The following WDR7 variants were observed in gnomAD, a reference collection of about 807,000 sequenced individuals.
WDR7 encodes the protein WD repeat domain 7.
WDR7 carries 46 observed loss-of-function variants against 169.4 expected under a neutral mutation model. The observed-to-expected ratio is 0.27, with a 90% CI of 0.21 to 0.35. WDR7 has a LOEUF of 0.35. WDR7 is among the 10% of genes least tolerant of loss of function. The probability of loss-of-function intolerance (pLI) is 1.00; values close to 1 mark genes in which losing one functional copy is unlikely to be tolerated. For synonymous variants in WDR7, 612 were observed against 666.8 expected (o/e 0.92, Z 1.27); for missense variants, 1,534 against 1,859.3 (o/e 0.83, Z 3.22).
intron 16 of WDR7, among the ~76,000 whole-genome samples, chr18:56,770,709 A>G (rs1272106567): frequency 1.3e-5 from 2 of 152,098 alleles, no homozygotes; most frequent in Non-Finnish European, 2.9e-5. Context: ...TGCTCTGGTA[A>G]GTCCTTACCT....
At position 56,676,194 on chromosome 18, in the gene WDR7, C is replaced by CT. The variant is rs530685512; in HGVS notation, c.160-3131dup. ...TTTTGTCTAAGTGTACCTATTTCTG[C>CT]TTTTTTTGGTTTCCATTGGCATGGA... On this transcript the variant is annotated intron_variant, in intron 2 of 27. Transcript: ENST00000254442. Among the ~76,000 whole-genome samples the CT allele has an allele frequency of 1.8e-4, 28 of 152,076 alleles. No individual in the cohort carries two copies. In the East Asian group the frequency reaches 5.4e-3, roughly 29 times the overall value.
At chr18:56,861,287 G>A (rs1048469047) in intron 20 of WDR7, among the ~76,000 whole-genome samples, 8 of 152,144 alleles carry the variant, frequency 5.3e-5, no homozygotes, top group South Asian at 4.1e-4. Context: ...AACTTGATTC[G>A]TGGTGATTCA....
At chr18:56,878,262 T>G (rs575196576) in intron 20 of WDR7, among the ~76,000 whole-genome samples, 3 of 152,340 alleles carry the variant, frequency 2.0e-5, no homozygotes, top group Non-Finnish European at 4.4e-5. Flanking sequence ...TTTGCTCCAG[T>G]AACAAGTATT....
chr18:56,721,571 G>A (rs1192350750), intron 13 of WDR7: 3 of 152,196 alleles, frequency 2.0e-5, no homozygotes, highest in East Asian at 1.9e-4. Flanking sequence ...TCCCTCTTAC[G>A]AAGTTATTAA....
At chr18:56,718,290 G>A in intron 13 of WDR7, 131 bp downstream of exon 13, 1 of 974,240 alleles carries the variant, frequency 1.0e-6, no homozygotes, top group Non-Finnish European at 1.5e-6. Flanking sequence ...ATTTCTAATT[G>A]TTTAAGTGGC....
intron 25 of WDR7, among the ~76,000 whole-genome samples, chr18:56,956,113 T>C (rs1195105572): frequency 2.0e-5 from 3 of 152,170 alleles, no homozygotes; most frequent in Non-Finnish European, 4.4e-5. Flanking sequence ...AAAACCTTGA[T>C]TGGGAAGTAG....
intron 1 of WDR7, among the ~76,000 whole-genome samples, chr18:56,656,362 C>G (rs1016961071): frequency 4.6e-5 from 7 of 151,338 alleles, no homozygotes; most frequent in African/African-American, 1.2e-4. Flanking sequence ...TCAGTGCAAC[C>G]TCCGCCTCCC....
At chr18:56,708,026 A>G (rs71353977) in intron 12 of WDR7, among the ~76,000 whole-genome samples, 1 of 132,590 alleles carries the variant, frequency 7.5e-6, no homozygotes, top group Non-Finnish European at 1.6e-5. Context: ...TTCAGTGTTT[A>G]TTCCTTTTTT....
At chr18:56,754,393 G>A (rs556110641) in intron 14 of WDR7, among the ~76,000 whole-genome samples, 80 of 148,730 alleles carry the variant, frequency 5.4e-4, no homozygotes, top group African/African-American at 9.5e-4. Context: ...GTATATATAC[G>A]TGTATATATA....
At chr18:56,927,080 G>A (rs1599164441) in intron 22 of WDR7, among the ~76,000 whole-genome samples, 1 of 151,954 alleles carries the variant, frequency 6.6e-6, no homozygotes, top group African/African-American at 2.4e-5. Flanking sequence ...TTCAGTTCAC[G>A]TTTATTGAAA....
intron 1 of WDR7, among the ~76,000 whole-genome samples, chr18:56,663,578 GCA>G (rs1339633793): frequency 6.6e-6 from 1 of 150,996 alleles, no homozygotes; most frequent in Admixed American, 6.6e-5. Flanking sequence ...ACATATAGAT[GCA>G]CAGACTTTTT....
chr18:57,027,098 C>T lies in WDR7; in HGVS notation c.4364C>T (p.Ala1455Val), dbSNP rs750926404. 6.8e-6 allele frequency: 11 copies of T among 1,614,174 alleles called. No individual in the cohort carries two copies. The highest frequency in any genetic ancestry group is 1.7e-5 in the Admixed American group (1 of 60,028). The change falls in exon 28 of 28, where the codon GCG becomes GTG. Residue 1455 changes from alanine (A) to valine (V), a missense_variant. Ala to Val is a moderately conservative substitution (Grantham distance 64, BLOSUM62 0). Transcript: ENST00000254442. ...KTYQVPPVQP[A>V]SPGSHNALKL... Reference sequence around the variant, plus strand: ...TACCAGGTGCCCCCTGTGCAGCCCGCGTCCCCCGGCTCCCACAATGCCCTC... The same window carrying T: ...TACCAGGTGCCCCCTGTGCAGCCCGTGTCCCCCGGCTCCCACAATGCCCTC...
chr18:57,011,886 A>G (rs750391500), intron 26 of WDR7, among the ~76,000 whole-genome samples: 1 of 152,224 alleles, frequency 6.6e-6, no homozygotes, highest in African/African-American at 2.4e-5. Context: ...TTGCGTCCCA[A>G]GTGAGAAAGA....
At chr18:56,959,971 A>G (rs1234013178) in intron 25 of WDR7, among the ~76,000 whole-genome samples, 1 of 152,184 alleles carries the variant, frequency 6.6e-6, no homozygotes, top group Non-Finnish European at 1.5e-5. Context: ...AATACTTGGG[A>G]AGTGACTGCG....
intron 7 of WDR7, among the ~76,000 whole-genome samples, chr18:56,690,542 A>G (rs975440541): frequency 2.6e-5 from 4 of 152,116 alleles, no homozygotes; most frequent in African/African-American, 9.7e-5. Context: ...GGGCCAGGCA[A>G]GGTGGCTCAT....
chr18:56,964,819 T>C (rs1365708945), intron 26 of WDR7, among the ~76,000 whole-genome samples: 1 of 152,160 alleles, frequency 6.6e-6, no homozygotes, highest in African/African-American at 2.4e-5. Context: ...GGCTGCACCT[T>C]CCTCTCATCA....
At chr18:56,822,290 G>A (rs1311909200) in intron 20 of WDR7, among the ~76,000 whole-genome samples, 1 of 152,036 alleles carries the variant, frequency 6.6e-6, no homozygotes, top group Non-Finnish European at 1.5e-5. Flanking sequence ...TCATTGTTGT[G>A]TCCAGCTTTT....
intron 19 of WDR7, among the ~76,000 whole-genome samples, chr18:56,783,433 T>A (rs2044349355): frequency 6.6e-6 from 1 of 152,060 alleles, no homozygotes; most frequent in South Asian, 2.1e-4. Context: ...GAATATAAGA[T>A]CCCCAAAATT....
intron 20 of WDR7, among the ~76,000 whole-genome samples, chr18:56,874,908 G>T (rs916710453): frequency 1.3e-5 from 2 of 152,140 alleles, no homozygotes; most frequent in African/African-American, 4.8e-5. Flanking sequence ...TACCATCTTA[G>T]TTTTCTAGAT....
Sources: allele counts gnomAD v4.1 joint callset (sites outside exome capture counted in the v4.1 genomes callset), GRCh38; gene constraint gnomAD v4.1.1; transcripts MANE v1.5; gene names NCBI Gene and HGNC (gene_info 2026-07-23, HGNC 2026-07-21).